XKR6: variants seen among roughly 807,000 people sequenced by gnomAD.
The protein encoded by XKR6 is XK-related protein 6.
A neutral mutation model predicts 56.7 loss-of-function variants in XKR6; 22 were observed. That is an observed-to-expected ratio of 0.39 (90% CI 0.28 to 0.55). The LOEUF (loss-of-function observed/expected upper bound fraction) is 0.55, where lower values mean the gene tolerates loss of function less well. XKR6 is among the 20% of genes least tolerant of loss of function. XKR6 has a pLI of 0.66. For missense variants in XKR6, 852 were observed against 889.0 expected, an observed-to-expected ratio of 0.96 and a Z score of 0.53; for synonymous variants, 524 against 387.8, an observed-to-expected ratio of 1.35 and a Z score of -4.13.
intron 1 of XKR6, among the ~76,000 whole-genome samples, chr8:11,159,095 C>T (rs754468767): frequency 2.0e-5 from 3 of 152,194 alleles, no homozygotes; most frequent in Non-Finnish European, 4.4e-5. Flanking sequence ...CTCCTTGAGA[C>T]AGGTGGACAT....
intron 1 of XKR6, among the ~76,000 whole-genome samples, chr8:11,075,118 C>T (rs1800238201): frequency 6.6e-6 from 1 of 152,124 alleles, no homozygotes; most frequent in Non-Finnish European, 1.5e-5. Flanking sequence ...GCAGAGGCTC[C>T]CATAAGGAGC....
At chr8:11,063,557 T>C (rs1050770055) in intron 1 of XKR6, among the ~76,000 whole-genome samples, 1 of 151,226 alleles carries the variant, frequency 6.6e-6, no homozygotes. Context: ...ACTGAGATTA[T>C]GTTATGGCAT....
chr8:11,038,018 T>C (rs1315565553), intron 1 of XKR6, among the ~76,000 whole-genome samples: 4 of 109,378 alleles, frequency 3.7e-5, no homozygotes, highest in Non-Finnish European at 7.4e-5. Context: ...CAGAGTCAGA[T>C]ATATCTAAAA....
chr8:10,984,724 CTCTCTCTCTATATATA>C (rs1797816732), intron 1 of XKR6, among the ~76,000 whole-genome samples: 1 of 74,896 alleles, frequency 1.3e-5, no homozygotes, highest in Admixed American at 1.1e-4. Context: ...CTCTCTCTCT[CTCTCTCTCTATATATA>C]TATATATATA....
At chr8:11,112,893 A>C (rs1798975176) in intron 1 of XKR6, among the ~76,000 whole-genome samples, 2 of 152,392 alleles carry the variant, frequency 1.3e-5, no homozygotes, top group Non-Finnish European at 2.9e-5. Flanking sequence ...TAAATGTTAA[A>C]TCACTCTCAA....
In XKR6 at chr8:11,200,230, G is replaced by T. The variant is rs1804130702; in HGVS notation, c.764+346C>A. 6.6e-6 allele frequency among the ~76,000 whole-genome samples: 1 copy of T among 152,222 alleles called. No individual in the cohort carries two copies. The highest frequency in any genetic ancestry group is 2.1e-4 in the South Asian group (1 of 4,832). On this transcript the variant is annotated intron_variant, in intron 1 of 2. Coordinates refer to ENST00000416569, the MANE Select transcript of XKR6 (RefSeq NM_173683.4). This position sits in a 1 kb window ranked among gnomAD's most constrained non-coding sequence, Gnocchi z 6.4. ...CCCCGGGGCCGCGAGCTGGGGTGCA[G>T]CCCAGGGCGCCCGCAGCTGGTTACC... is the stretch of plus-strand genomic sequence containing the variant.
At chr8:10,958,419 C>T (rs373420155) in intron 1 of XKR6, among the ~76,000 whole-genome samples, 1 of 152,226 alleles carries the variant, frequency 6.6e-6, no homozygotes, top group Admixed American at 6.5e-5. Context: ...TGACAATGGG[C>T]TGCCCAGTTG....
At chr8:10,923,892 G>A (rs1016375581) in intron 2 of XKR6, among the ~76,000 whole-genome samples, 1 of 152,230 alleles carries the variant, frequency 6.6e-6, no homozygotes, top group Non-Finnish European at 1.5e-5. Context: ...CTTCTGGGCT[G>A]AGTCTCTTCA....
chr8:11,089,393 G>C (rs1219527564), intron 1 of XKR6, among the ~76,000 whole-genome samples: 2 of 152,160 alleles, frequency 1.3e-5, no homozygotes, highest in Non-Finnish European at 2.9e-5. Flanking sequence ...TGTTTTAGTA[G>C]GCCGAAATGG....
At chr8:10,990,118 T>C (rs765149863) in intron 1 of XKR6, among the ~76,000 whole-genome samples, 3 of 152,200 alleles carry the variant, frequency 2.0e-5, no homozygotes, top group Non-Finnish European at 4.4e-5. Flanking sequence ...CCCACCACTA[T>C]ATTAAAACAA....
intron 1 of XKR6, among the ~76,000 whole-genome samples, chr8:11,141,148 C>G (rs945768469): frequency 6.6e-6 from 1 of 152,184 alleles, no homozygotes; most frequent in African/African-American, 2.4e-5. Flanking sequence ...AAGACTTTAA[C>G]TGTATTCAGT....
intron 1 of XKR6, chr8:11,123,832 A>C (rs186201311): frequency 1.6e-4 from 74 of 456,280 alleles, no homozygotes; most frequent in African/African-American, 1.2e-3. Flanking sequence ...AAACACACCA[A>C]GGCAGTTCCA....
At chr8:11,037,655 C>A (rs539720794) in intron 1 of XKR6, among the ~76,000 whole-genome samples, 4 of 152,156 alleles carry the variant, frequency 2.6e-5, no homozygotes, top group Non-Finnish European at 4.4e-5. Context: ...GTCAAGAGAT[C>A]GAGACCATCC....
intron 1 of XKR6, among the ~76,000 whole-genome samples, chr8:11,182,698 T>C (rs1194458361): frequency 1.3e-5 from 2 of 152,248 alleles, no homozygotes; most frequent in East Asian, 1.9e-4. Context: ...TCTAGAGTAT[T>C]TGTAAAAATT....
intron 1 of XKR6, among the ~76,000 whole-genome samples, chr8:10,971,046 C>A (rs551742138): frequency 2.0e-5 from 3 of 151,324 alleles, no homozygotes; most frequent in Non-Finnish European, 4.4e-5. Context: ...AGGAACCTGG[C>A]GTGTCTATTC....
At chr8:10,996,093 T>C (rs1207690456) in intron 1 of XKR6, among the ~76,000 whole-genome samples, 1 of 150,270 alleles carries the variant, frequency 6.7e-6, no homozygotes, top group Non-Finnish European at 1.5e-5. Flanking sequence ...GAGAGAGGGA[T>C]TTTAAAGACA....
At chr8:11,163,319 G>A (rs561611148) in intron 1 of XKR6, among the ~76,000 whole-genome samples, 2 of 152,262 alleles carry the variant, frequency 1.3e-5, no homozygotes, top group East Asian at 1.9e-4. Flanking sequence ...GTATTATCAA[G>A]TATATTTCTA....
intron 1 of XKR6, among the ~76,000 whole-genome samples, chr8:11,060,428 A>G (rs1041138139): frequency 2.6e-5 from 4 of 152,206 alleles, no homozygotes; most frequent in Admixed American, 6.5e-5. Context: ...GCAGCCCCGC[A>G]GTGCCTTGAT....
chr8:11,132,413 T>TG (rs1173246993), intron 1 of XKR6, among the ~76,000 whole-genome samples: 1 of 151,912 alleles, frequency 6.6e-6, no homozygotes, highest in African/African-American at 2.4e-5. Context: ...GGCTGGAGTG[T>TG]GGTGGTGCAA....
Sources: gnomAD v4.1 joint callset for allele counts (sites outside exome capture counted in the v4.1 genomes callset) on GRCh38, gnomAD v4.1.1 for gene constraint, Gnocchi (gnomAD v3.1) non-coding constraint, MANE v1.5 for transcripts, NCBI Gene and HGNC (gene_info 2026-07-23, HGNC 2026-07-21) for gene names.